Variants in BMPR2 observed in about 807,000 individuals in gnomAD.
The protein encoded by BMPR2 is bone morphogenetic protein receptor type-2.
Under a neutral mutation model 100.8 loss-of-function variants are expected in BMPR2, and 29 were observed. The ratio of observed to expected loss-of-function variants is 0.29; its 90% confidence interval spans 0.21 to 0.39. The LOEUF is 0.39. BMPR2 is among the 10% of genes least tolerant of loss of function. The pLI is 1.00. For missense variants in BMPR2, 1,011 were observed against 1,274.5 expected, an observed-to-expected ratio of 0.79 and a Z score of 3.15; for synonymous variants, 382 against 442.3, an observed-to-expected ratio of 0.86 and a Z score of 1.71.
intron 1 of BMPR2, among the ~76,000 whole-genome samples, chr2:202,462,651 CT>C (rs1364163566): frequency 2.0e-5 from 3 of 146,956 alleles, no homozygotes; most frequent in East Asian, 2.0e-4. Flanking sequence ...TTTAACTATA[CT>C]TTTTTTTTAA....
At chr2:202,390,451 G>GC (rs1232535059) in intron 1 of BMPR2, among the ~76,000 whole-genome samples, 2 of 151,184 alleles carry the variant, frequency 1.3e-5, no homozygotes, top group African/African-American at 2.4e-5. Flanking sequence ...TCCTGCCTCA[G>GC]CCCCCCAGTA....
intron 1 of BMPR2, among the ~76,000 whole-genome samples, chr2:202,434,458 C>T (rs1440133894): frequency 2.0e-5 from 3 of 150,240 alleles, no homozygotes; most frequent in Non-Finnish European, 4.4e-5. Context: ...AAAGCTTTAG[C>T]AGAAAAACAC....
At chr2:202,417,412 C>T (rs1185765565) in intron 1 of BMPR2, among the ~76,000 whole-genome samples, 4 of 152,198 alleles carry the variant, frequency 2.6e-5, no homozygotes, top group Admixed American at 6.5e-5. Flanking sequence ...GAGCGATTCT[C>T]CTGCCTCAGC....
At chr2:202,474,171 G>T (rs2105967631) in intron 3 of BMPR2, among the ~76,000 whole-genome samples, 1 of 151,320 alleles carries the variant, frequency 6.6e-6, no homozygotes, top group South Asian at 2.1e-4. Flanking sequence ...GAAATAAGTG[G>T]ATCGCCGGGC....
intron 1 of BMPR2, 72 bp downstream of exon 1, chr2:202,377,622 GAGGCCT>G: frequency 6.5e-7 from 1 of 1,542,538 alleles, no homozygotes; most frequent in Non-Finnish European, 8.9e-7. Flanking sequence ...CGCAGAGGCC[GAGGCCT>G]GTGCTTGCCC....
chr2:202,543,889 C>T (rs1290252134), intron 10 of BMPR2, among the ~76,000 whole-genome samples: 1 of 152,130 alleles, frequency 6.6e-6, no homozygotes, highest in African/African-American at 2.4e-5. Flanking sequence ...ATCTCCCCTG[C>T]GCTTTGGGGA....
chr2:202,470,374 C>T (rs1692411713), intron 3 of BMPR2, among the ~76,000 whole-genome samples: 1 of 151,924 alleles, frequency 6.6e-6, no homozygotes, highest in South Asian at 2.1e-4. Context: ...GGAACGAAGC[C>T]TTCTTAGAAA....
chr2:202,528,849 A>G (rs984283843), intron 7 of BMPR2, among the ~76,000 whole-genome samples: 7 of 152,216 alleles, frequency 4.6e-5, no homozygotes, highest in Admixed American at 3.9e-4. Context: ...TGCCTATACT[A>G]TACTATTTTT....
At position 202,561,394 on chromosome 2, in the gene BMPR2, T is replaced by G. The variant is rs1256510278; in HGVS notation, c.*1448T>G. 6.6e-6 allele frequency: 1 copy of G among 152,164 alleles called. No homozygotes were observed. The highest frequency in any genetic ancestry group is 1.5e-5 in the Non-Finnish European group (1 of 67,992). 9.4% of individuals were successfully genotyped at this position (152,164 alleles called of 1,614,324 possible). On this transcript the variant is annotated 3_prime_UTR_variant, in exon 13 of 13. Coordinates refer to ENST00000374580, the MANE Select transcript of BMPR2 (RefSeq NM_001204.7). ...ATAAAATGACTTGAAATCATATTAT[T>G]TTTAAAAGCCCTTTGCTTCTTTCAT...
chr2:202,556,050 T>C lies in BMPR2; in HGVS notation c.2385T>C (p.Asn795=). Residue 795 remains asparagine, a synonymous_variant, in exon 12 of 13, where the codon AAT becomes AAC. Transcript: ENST00000374580. ...ETGVAKMNTI[N]AAEPHVVTVT... is the part of the protein sequence containing the mutation. ...GAGTTGCCAAGATGAATACAATCAA[T>C]GCAGCAGAACCTCATGTGGTGACAG... The C allele has an allele frequency of 6.2e-7, 1 of 1,614,188 alleles. No homozygotes were observed. Among genetic ancestry groups the C allele is most frequent in the Non-Finnish European group, 8.5e-7 (1 of 1,180,040 alleles).
In BMPR2 at chr2:202,555,083, TATTA is replaced by T. The variant is rs3835910; in HGVS notation, c.1587-165_1587-162del. On this transcript the variant is annotated intron_variant, in intron 11 of 12. Coordinates refer to ENST00000374580, the MANE Select transcript of BMPR2 (RefSeq NM_001204.7). ...CACATAAAACTAACACTTATCAAGTTATTAATTGACACTTGATTATTTGATTAGA... is the reference window on the plus strand; with the variant it reads ...CACATAAAACTAACACTTATCAAGTTATTGACACTTGATTATTTGATTAGA... Among the ~76,000 whole-genome samples the T allele has an allele frequency of 2.6e-3, 401 of 152,354 alleles. 15 individuals carry two copies. The East Asian group carries it at 0.068, about 26-fold the overall frequency.
intron 9 of BMPR2, among the ~76,000 whole-genome samples, chr2:202,535,220 CGGGCG>C (rs983365776): frequency 6.6e-6 from 1 of 151,606 alleles, no homozygotes; most frequent in African/African-American, 2.4e-5. Context: ...GGGTGGCTGC[CGGGCG>C]GAGACACTCC....
intron 7 of BMPR2, among the ~76,000 whole-genome samples, chr2:202,525,172 A>G (rs1308551248): frequency 6.6e-6 from 1 of 151,840 alleles, no homozygotes; most frequent in African/African-American, 2.4e-5. Flanking sequence ...GTGGGTACAT[A>G]GTAGTGTATA....
At chr2:202,409,345 C>CA (rs532418148) in intron 1 of BMPR2, among the ~76,000 whole-genome samples, 1 of 152,122 alleles carries the variant, frequency 6.6e-6, no homozygotes, top group African/African-American at 2.4e-5. Flanking sequence ...GACTCTGTCT[C>CA]AAAATATATA....
chr2:202,484,968 CAAAA>C (rs747890922), intron 3 of BMPR2, among the ~76,000 whole-genome samples: 4 of 59,862 alleles, frequency 6.7e-5, no homozygotes, highest in African/African-American at 2.0e-4. Flanking sequence ...GACTCCGTCT[CAAAA>C]AAAAAAAAAA....
intron 9 of BMPR2, among the ~76,000 whole-genome samples, chr2:202,539,914 C>T (rs1476477690): frequency 6.6e-6 from 1 of 151,978 alleles, no homozygotes; most frequent in Non-Finnish European, 1.5e-5. Context: ...TTGAGCAATC[C>T]AGCGATAGTA....
At chr2:202,478,535 A>T (rs1692593796) in intron 3 of BMPR2, among the ~76,000 whole-genome samples, 1 of 152,062 alleles carries the variant, frequency 6.6e-6, no homozygotes, top group Non-Finnish European at 1.5e-5. Flanking sequence ...AGGTGGGAGG[A>T]TCATTTGAGC....
chr2:202,427,358 C>CAAA (rs397872093), intron 1 of BMPR2, among the ~76,000 whole-genome samples: 15 of 78,838 alleles, frequency 1.9e-4, no homozygotes, highest in South Asian at 1.4e-3. Context: ...GACCCTGGCT[C>CAAA]AAAAAAAAAA....
intron 3 of BMPR2, among the ~76,000 whole-genome samples, chr2:202,501,530 C>T (rs1046093849): frequency 3.3e-5 from 5 of 152,180 alleles, no homozygotes; most frequent in South Asian, 2.1e-4. Flanking sequence ...TACTCAGACT[C>T]GTGGGACAAT....
Sources: allele counts gnomAD v4.1 joint callset (sites outside exome capture counted in the v4.1 genomes callset), GRCh38; gene constraint gnomAD v4.1.1; transcripts MANE v1.5; gene names NCBI Gene and HGNC (gene_info 2026-07-23, HGNC 2026-07-21).